EBF1: variants seen among roughly 807,000 people sequenced by gnomAD.
EBF1 encodes EBF transcription factor 1.
Under a neutral mutation model 68.4 loss-of-function variants are expected in EBF1, and 10 were observed. The ratio of observed to expected loss-of-function variants is 0.15; its 90% CI spans 0.09 to 0.25. EBF1 has a LOEUF of 0.25. Among genes scored for constraint, EBF1 ranks in the 10% least tolerant of loss-of-function variants. The probability of loss-of-function intolerance (pLI) is 1.00; values close to 1 mark genes in which losing one functional copy is unlikely to be tolerated. For synonymous variants in EBF1, 298 were observed against 299.8 expected, an observed-to-expected ratio of 0.99 and a Z score of 0.06; for missense variants, 509 against 794.4, an observed-to-expected ratio of 0.64 and a Z score of 4.32.
At position 159,006,647 on chromosome 5, in the gene EBF1, T is replaced by TAAAAAAAAAAAAAAAAA. The variant is rs36045942; in HGVS notation, c.554+66732_554+66748dup. 2.8e-4 allele frequency among the ~76,000 whole-genome samples: 16 copies of TAAAAAAAAAAAAAAAAA among 56,208 alleles called. 3 individuals are homozygous for TAAAAAAAAAAAAAAAAA. The highest frequency in any genetic ancestry group is 4.5e-4 in the Non-Finnish European group (15 of 33,596). The allele number at this position is 56,208 out of a possible 152,430, so 36.9% of individuals were successfully genotyped here. A position where few individuals can be genotyped will look rare whatever the true frequency, so the allele number is the denominator to read the frequency against. On this transcript the variant is annotated intron_variant, in intron 6 of 15. Coordinates refer to ENST00000313708, the MANE Select transcript of EBF1 (RefSeq NM_024007.5). ...CTCATATAACCAATCATAGCCATGTTAAAAAAAAAAAAAAAAAAAAAAAAA... is the reference window on the plus strand; with the variant it reads ...CTCATATAACCAATCATAGCCATGTTAAAAAAAAAAAAAAAAAAAAAAAAAAAAAAAAAAAAAAAAAA...
rs191116190 is a variant in EBF1, at chr5:158,781,290, T to C, written c.910-3751A>G. Among the ~76,000 whole-genome samples the C allele has an allele frequency of 7.2e-5, 11 of 152,340 alleles. No individual in the cohort carries two copies. In the East Asian group the frequency reaches 2.1e-3, roughly 29 times the overall value. ...TCTTCTCTTATTCATTGATTCCTGA[T>C]TATTTTGGTTTTCTTCATTTGCTCC... On this transcript the variant is annotated intron_variant, in intron 9 of 15. Transcript: ENST00000313708.
rs185134112 is a variant in EBF1, at chr5:158,707,994, C to T, written c.1729G>A (p.Gly577Arg). Residue 577 changes from glycine (G) to arginine (R), a missense_variant, in exon 15 of 16, where the codon GGG (glycine) becomes AGG (arginine). Physicochemically the swap from Gly to Arg is moderately radical, Grantham distance 125 (BLOSUM62 -2). This residue lies in a region of EBF1 where 205 missense variants were observed against 247.4 expected (regional missense o/e 0.83). Transcript: ENST00000313708. ...SPPPTCTSTN[G>R]NSLQAISGMI... ...TGGGGCTTACCTTGCAGGCTGTTCC[C>T]GTTGGTGCTGGTGCAGGTGGGAGGT... 10 of 1,549,874 alleles carry T rather than the reference C, an allele frequency of 6.5e-6. No individual in the cohort carries two copies. The Admixed American group carries it at 9.8e-5, about 15-fold the overall frequency.
chr5:158,738,829 C>A (rs1319254383), intron 10 of EBF1, among the ~76,000 whole-genome samples: 1 of 152,132 alleles, frequency 6.6e-6, no homozygotes, highest in Non-Finnish European at 1.5e-5. Context: ...GATACCAAAT[C>A]AATTAAACTG....
chr5:158,827,338 G>A lies in EBF1; in HGVS notation c.637-4021C>T, dbSNP rs536115824. Reference sequence around the variant, plus strand: ...TACAATTTTAAAGACCTTTGTGCTAGTAACACATTATTACACATTTAGGCC... The same window carrying A: ...TACAATTTTAAAGACCTTTGTGCTAATAACACATTATTACACATTTAGGCC... On this transcript the variant is annotated intron_variant, in intron 7 of 15. Coordinates refer to ENST00000313708, the MANE Select transcript of EBF1 (RefSeq NM_024007.5). Among the ~76,000 whole-genome samples the A allele has an allele frequency of 1.8e-4, 28 of 152,294 alleles. No homozygotes were observed. The East Asian group carries it at 2.9e-3, about 16-fold the overall frequency.
chr5:158,929,084 T>C (rs1306624955), intron 6 of EBF1, among the ~76,000 whole-genome samples: 2 of 152,152 alleles, frequency 1.3e-5, no homozygotes, highest in Non-Finnish European at 2.9e-5. Flanking sequence ...ATTTTCTTTA[T>C]GACATGAAGG....
chr5:158,760,839 C>T (rs967717288), intron 10 of EBF1, among the ~76,000 whole-genome samples: 1 of 152,094 alleles, frequency 6.6e-6, no homozygotes, highest in Non-Finnish European at 1.5e-5. Context: ...TTTTTATCCG[C>T]TTCTCCATAA....
At chr5:158,726,378 C>T (rs139904451) in intron 11 of EBF1, among the ~76,000 whole-genome samples, 5 of 152,222 alleles carry the variant, frequency 3.3e-5, no homozygotes, top group African/African-American at 1.2e-4. Flanking sequence ...GAAGGTCAGG[C>T]AGGGCTGGGA....
At chr5:158,878,640 C>T (rs1009871624) in intron 6 of EBF1, among the ~76,000 whole-genome samples, 15 of 92,046 alleles carry the variant, frequency 1.6e-4, no homozygotes, top group Admixed American at 6.8e-4. Context: ...TACTTCTAGC[C>T]AGCCTTTTTT....
At chr5:158,752,019 A>G (rs1769010383) in intron 10 of EBF1, among the ~76,000 whole-genome samples, 1 of 152,004 alleles carries the variant, frequency 6.6e-6, no homozygotes, top group African/African-American at 2.4e-5. Context: ...GGGAATAATT[A>G]CTATGTGCAG....
intron 10 of EBF1, among the ~76,000 whole-genome samples, chr5:158,760,191 T>C (rs13163958): frequency 0.075 from 11,461 of 152,244 alleles, 492 homozygotes; most frequent in South Asian, 0.11. Context: ...AGGCCAAATT[T>C]ATTTAAAGAT....
intron 6 of EBF1, among the ~76,000 whole-genome samples, chr5:158,966,519 G>A (rs1310282966): frequency 6.6e-6 from 1 of 152,078 alleles, no homozygotes; most frequent in Non-Finnish European, 1.5e-5. Context: ...CTGAAAAATA[G>A]GCTCACAGAG....
intron 6 of EBF1, among the ~76,000 whole-genome samples, chr5:158,862,010 C>T (rs1392522165): frequency 6.6e-6 from 1 of 152,134 alleles, no homozygotes; most frequent in Non-Finnish European, 1.5e-5. Context: ...TACTCCATAA[C>T]ATTTCATCAT....
At chr5:158,824,019 C>A (rs1170393079) in intron 7 of EBF1, among the ~76,000 whole-genome samples, 3 of 151,840 alleles carry the variant, frequency 2.0e-5, no homozygotes, top group Non-Finnish European at 4.4e-5. Context: ...ACCCAGTTTG[C>A]CAGAAGAGAC....
chr5:158,862,568 G>A (rs551624115), intron 6 of EBF1, among the ~76,000 whole-genome samples: 1 of 152,162 alleles, frequency 6.6e-6, no homozygotes, highest in South Asian at 2.1e-4. Flanking sequence ...CTGCTACAGG[G>A]CTGAGAAAAG....
chr5:158,861,842 T>TAAAA (rs33912710), intron 6 of EBF1, among the ~76,000 whole-genome samples: 10 of 146,678 alleles, frequency 6.8e-5, no homozygotes, highest in Non-Finnish European at 6.0e-5. Flanking sequence ...TGATTTATTG[T>TAAAA]AAAAAAAAAA....
intron 7 of EBF1, among the ~76,000 whole-genome samples, chr5:158,826,427 T>C (rs1256384047): frequency 2.0e-5 from 3 of 152,210 alleles, no homozygotes; most frequent in East Asian, 1.9e-4. Context: ...GCCTACTGCA[T>C]TGGACACGGT....
intron 6 of EBF1, among the ~76,000 whole-genome samples, chr5:159,002,770 G>T (rs753365807): frequency 2.6e-5 from 4 of 152,198 alleles, no homozygotes; most frequent in Non-Finnish European, 5.9e-5. Context: ...ACATAGTCAT[G>T]TAAAATGTAA....
chr5:158,810,197 A>T (rs1264189661), intron 8 of EBF1, among the ~76,000 whole-genome samples: 1 of 152,186 alleles, frequency 6.6e-6, no homozygotes, highest in Non-Finnish European at 1.5e-5. Context: ...TCAAGAAATG[A>T]TCCAATACAT....
chr5:158,988,239 T>C (rs1759527214), intron 6 of EBF1, among the ~76,000 whole-genome samples: 2 of 152,152 alleles, frequency 1.3e-5, no homozygotes, highest in African/African-American at 2.4e-5. Flanking sequence ...TGCCCCCCCT[T>C]CTCTTCGTAA....
Sources: allele counts gnomAD v4.1 joint callset (sites outside exome capture counted in the v4.1 genomes callset), GRCh38; gene constraint gnomAD v4.1.1; regional missense constraint gnomAD v4.1.1; transcripts MANE v1.5; gene names NCBI Gene and HGNC (gene_info 2026-07-23, HGNC 2026-07-21).